The following TRIB2 variants were observed in gnomAD, a reference collection of about 807,000 sequenced individuals.
The protein encoded by TRIB2 is tribbles pseudokinase 2.
In TRIB2, 2 loss-of-function variants were observed where a neutral mutation model predicts 26.8. That is an observed-to-expected ratio of 0.07 (90% confidence interval 0.03 to 0.24). The LOEUF is 0.24. Among genes scored for constraint, TRIB2 ranks in the 10% least tolerant of loss-of-function variants. TRIB2 has a pLI of 1.00. For synonymous variants in TRIB2, 189 were observed against 187.3 expected (o/e 1.01, Z -0.08); for missense variants, 306 against 449.0 (o/e 0.68, Z 2.88).
intron 2 of TRIB2, among the ~76,000 whole-genome samples, chr2:12,734,341 C>A (rs567936451): frequency 6.6e-6 from 1 of 152,180 alleles, no homozygotes; most frequent in South Asian, 2.1e-4. Flanking sequence ...GGAAGCATAT[C>A]CTGATTACTG....
chr2:12,723,603 A>G, intron 2 of TRIB2, 51 bp downstream of exon 2: 1 of 1,558,598 alleles, frequency 6.4e-7, no homozygotes, highest in Non-Finnish European at 8.7e-7. Flanking sequence ...TGCTCCTAAC[A>G]ACAGCTTCCT....
At chr2:12,722,290 C>T (rs184458522) in intron 1 of TRIB2, among the ~76,000 whole-genome samples, 9 of 152,320 alleles carry the variant, frequency 5.9e-5, no homozygotes, top group East Asian at 1.9e-4. Flanking sequence ...TGCTTTCCAG[C>T]GAAGCTCACC....
chr2:12,729,272 C>A (rs1339049761), intron 2 of TRIB2, among the ~76,000 whole-genome samples: 1 of 152,184 alleles, frequency 6.6e-6, no homozygotes, highest in Non-Finnish European at 1.5e-5. Flanking sequence ...CTGCTGGGGG[C>A]TTCCTGGGGA....
chr2:12,740,189 G>C lies in TRIB2; in HGVS notation c.564-137G>C. ...GAAGGTGCTCAGTGAGTAATGTTTG[G>C]CTGGTCAGATGAATGCGTGAATGAA... On this transcript the variant is annotated intron_variant, in intron 2 of 2. Transcript: ENST00000155926. The surrounding 1 kb of genome is among the most constrained non-coding windows in gnomAD (Gnocchi z 5.8). 1.2e-6 allele frequency: 1 copy of C among 860,304 alleles called. No homozygotes were observed. Among genetic ancestry groups the C allele is most frequent in the Non-Finnish European group, 1.8e-6 (1 of 560,952 alleles). 53.3% of individuals were successfully genotyped at this position (860,304 alleles called of 1,614,324 possible). A position where few individuals can be genotyped will look rare whatever the true frequency, so the allele number is the denominator to read the frequency against.
chr2:12,728,833 A>C (rs1337801444), intron 2 of TRIB2, among the ~76,000 whole-genome samples: 1 of 152,104 alleles, frequency 6.6e-6, no homozygotes, highest in African/African-American at 2.4e-5. Context: ...ACAGAGGTCA[A>C]GGCACTCTTT....
At chr2:12,730,072 T>C (rs1661420707) in intron 2 of TRIB2, among the ~76,000 whole-genome samples, 2 of 152,214 alleles carry the variant, frequency 1.3e-5, no homozygotes, top group South Asian at 4.1e-4. Flanking sequence ...GGCACTATTC[T>C]TGGTGCTGGG....
chr2:12,734,473 C>T (rs979472060), intron 2 of TRIB2, among the ~76,000 whole-genome samples: 16 of 152,164 alleles, frequency 1.1e-4, no homozygotes, highest in Middle Eastern at 3.4e-3. Context: ...CATCTACGGC[C>T]GTATGCTGGG....
In TRIB2 at chr2:12,717,556, C is replaced by T. The variant is rs1666620011; in HGVS notation, c.-752C>T. ...CAACTCTGTGCCCAGCTTTTGCAAT[C>T]TTTTGTTGGCAGCGCTGACCGCACC... On this transcript the variant is annotated 5_prime_UTR_variant, in exon 1 of 3. Coordinates refer to ENST00000155926, the MANE Select transcript of TRIB2 (RefSeq NM_021643.4). The surrounding 1 kb of genome is among the most constrained non-coding windows in gnomAD (Gnocchi z 4.8). 2.5e-6 allele frequency: 1 copy of T among 398,266 alleles called. No individual in the cohort carries two copies. The highest frequency in any genetic ancestry group is 4.4e-6 in the Non-Finnish European group (1 of 225,808). The allele number at this position is 398,266 out of a possible 1,614,324, so 24.7% of individuals were successfully genotyped here. A position where few individuals can be genotyped will look rare whatever the true frequency, so the allele number is the denominator to read the frequency against.
chr2:12,717,571 C>T lies in TRIB2; in HGVS notation c.-737C>T. Reference sequence around the variant, plus strand: ...CTTTTGCAATCTTTTGTTGGCAGCGCTGACCGCACCAAGTTAAATGCTCCC... The same window carrying T: ...CTTTTGCAATCTTTTGTTGGCAGCGTTGACCGCACCAAGTTAAATGCTCCC... On this transcript the variant is annotated 5_prime_UTR_variant, in exon 1 of 3. Coordinates refer to ENST00000155926, the MANE Select transcript of TRIB2 (RefSeq NM_021643.4). The surrounding 1 kb of genome is among the most constrained non-coding windows in gnomAD (Gnocchi z 4.8). 2.5e-6 allele frequency: 1 copy of T among 398,166 alleles called. No homozygotes were observed. Among genetic ancestry groups the T allele is most frequent in the Admixed American group, 4.4e-5 (1 of 22,724 alleles). The allele number at this position is 398,166 out of a possible 1,614,324, so 24.7% of individuals were successfully genotyped here.
chr2:12,721,635 C>G lies in TRIB2; in HGVS notation c.271-1625C>G, dbSNP rs561448897. ...ACAGTATCAGTGTGTGATTTGTGGT[C>G]TCTGGAGATGTTGAAGTATTCTTTC... On this transcript the variant is annotated intron_variant, in intron 1 of 2. Transcript: ENST00000155926. 1.9e-4 allele frequency among the ~76,000 whole-genome samples: 29 copies of G among 152,290 alleles called. 1 individual carries two copies. Among genetic ancestry groups the G allele is most frequent in the African/African-American group, 6.0e-4 (25 of 41,556 alleles).
chr2:12,726,365 T>G (rs1454834536), intron 2 of TRIB2, among the ~76,000 whole-genome samples: 2 of 152,232 alleles, frequency 1.3e-5, no homozygotes, highest in Non-Finnish European at 2.9e-5. Context: ...CTGGCAGCAT[T>G]GAGTTTCATG....
rs894378756 is a variant in TRIB2 at position 12,742,449 on chromosome 2, C to G, written c.*1655C>G. The stretch of plus-strand genomic sequence containing the variant: ...TTCCCAGGAGGGCGGCTTCACCCTT[C>G]GTAACCAGGAGACAAGGCGGCCATG... On this transcript the variant is annotated 3_prime_UTR_variant, in exon 3 of 3. Coordinates refer to ENST00000155926, the MANE Select transcript of TRIB2 (RefSeq NM_021643.4). 2 of 152,468 alleles carry G rather than the reference C, an allele frequency of 1.3e-5. No individual in the cohort carries two copies. Among genetic ancestry groups the G allele is most frequent in the Non-Finnish European group, 2.9e-5 (2 of 68,018 alleles). 9.4% of individuals were successfully genotyped at this position (152,468 alleles called of 1,614,324 possible). A position where few individuals can be genotyped will look rare whatever the true frequency, so the allele number is the denominator to read the frequency against.
At chr2:12,736,203 G>A (rs778615045) in intron 2 of TRIB2, among the ~76,000 whole-genome samples, 2 of 152,120 alleles carry the variant, frequency 1.3e-5, no homozygotes, top group African/African-American at 2.4e-5. Flanking sequence ...TCAGAGATGC[G>A]ACAAAAGTGA....
At chr2:12,726,528 C>T (rs1026825054) in intron 2 of TRIB2, among the ~76,000 whole-genome samples, 1 of 152,214 alleles carries the variant, frequency 6.6e-6, no homozygotes, top group African/African-American at 2.4e-5. Flanking sequence ...ACCCTAATTG[C>T]ATCACTTTTA....
intron 2 of TRIB2, among the ~76,000 whole-genome samples, chr2:12,726,757 C>T (rs565432195): frequency 6.6e-6 from 1 of 152,360 alleles, no homozygotes; most frequent in Non-Finnish European, 1.5e-5. Flanking sequence ...CATCAGTCTT[C>T]TTCTCAGTGA....
At chr2:12,721,484 T>A (rs1661220567) in intron 1 of TRIB2, among the ~76,000 whole-genome samples, 1 of 152,226 alleles carries the variant, frequency 6.6e-6, no homozygotes, top group Non-Finnish European at 1.5e-5. Context: ...AGCTTATTAC[T>A]CCTCGAAATT....
Position 12,717,334 on chromosome 2 carries a change from G to C in TRIB2, c.-974G>C, listed in dbSNP as rs1402240085. On this transcript the variant is annotated 5_prime_UTR_variant, in exon 1 of 3. Coordinates refer to ENST00000155926, the MANE Select transcript of TRIB2 (RefSeq NM_021643.4). This position sits in a 1 kb window ranked among gnomAD's most constrained non-coding sequence, Gnocchi z 4.8. ...CCAGGGACGCAGCTCCCCTTGCAGC[G>C]CCCGCAGGACCCCCGCAAGCTCGTG... 2.5e-6 allele frequency: 1 copy of C among 398,394 alleles called. No homozygotes were observed. Among genetic ancestry groups the C allele is most frequent in the Non-Finnish European group, 4.4e-6 (1 of 226,018 alleles). The allele number at this position is 398,394 out of a possible 1,614,324, so 24.7% of individuals were successfully genotyped here.
At chr2:12,725,372 A>C (rs1359931935) in intron 2 of TRIB2, among the ~76,000 whole-genome samples, 1 of 152,236 alleles carries the variant, frequency 6.6e-6, no homozygotes, top group Non-Finnish European at 1.5e-5. Context: ...CGGAGGTTGC[A>C]TAGTCTGTGT....
At chr2:12,735,445 T>C (rs1050038896) in intron 2 of TRIB2, among the ~76,000 whole-genome samples, 1 of 151,944 alleles carries the variant, frequency 6.6e-6, no homozygotes, top group African/African-American at 2.4e-5. Context: ...TGGTGTGGTT[T>C]CCTCCGCCAG....
Sources: allele counts gnomAD v4.1 joint callset (sites outside exome capture counted in the v4.1 genomes callset), GRCh38; gene constraint gnomAD v4.1.1; non-coding constraint Gnocchi (gnomAD v3.1); transcripts MANE v1.5; gene names NCBI Gene and HGNC (gene_info 2026-07-23, HGNC 2026-07-21).